PRAG1: variants seen among roughly 807,000 people sequenced by gnomAD.
PRAG1 encodes the protein PEAK1 related, kinase-activating pseudokinase 1.
A neutral mutation model predicts 95.6 loss-of-function variants in PRAG1; 110 were observed. That is an observed-to-expected ratio of 1.15 (90% confidence interval 0.99 to 1.35). The LOEUF is 1.35. PRAG1 is among the 40% of genes most tolerant of loss of function. The pLI, the probability that PRAG1 is intolerant of heterozygous loss-of-function variation, is 0.00. For synonymous variants in PRAG1, 1,052 were observed against 819.4 expected (o/e 1.28, Z -4.85); for missense variants, 2,554 against 1,864.7 (o/e 1.37, Z -6.81).
intron 3 of PRAG1, among the ~76,000 whole-genome samples, chr8:8,373,832 A>G (rs1396172870): frequency 6.6e-6 from 1 of 152,178 alleles, no homozygotes; most frequent in East Asian, 1.9e-4. Flanking sequence ...ATTCCCATCA[A>G]GCTTGAGCTA....
intron 3 of PRAG1, among the ~76,000 whole-genome samples, chr8:8,353,348 T>C (rs1799585313): frequency 6.6e-6 from 1 of 152,092 alleles, no homozygotes; most frequent in African/African-American, 2.4e-5. Flanking sequence ...TGAAATCATA[T>C]CTAGTATTGT....
rs1799488345 is a variant in PRAG1 at position 8,350,547 on chromosome 8, C to T, written c.2163-10912G>A. Among the ~76,000 whole-genome samples, 2 of 152,214 alleles carry T rather than the reference C, an allele frequency of 1.3e-5. 1 individual carries two copies. The highest frequency in any genetic ancestry group is 4.1e-4 in the South Asian group (2 of 4,832). On this transcript the variant is annotated intron_variant, in intron 3 of 5. Coordinates refer to ENST00000615670, the MANE Select transcript of PRAG1 (RefSeq NM_001080826.3). Reference sequence around the variant, plus strand: ...AGGGCCTCTCCTACCAGCTGCCTTGCCTATAGGCAAGCACAGTATCCCAGG... The same window carrying T: ...AGGGCCTCTCCTACCAGCTGCCTTGTCTATAGGCAAGCACAGTATCCCAGG...
intron 3 of PRAG1, among the ~76,000 whole-genome samples, chr8:8,362,581 A>C (rs1176301412): frequency 6.6e-6 from 1 of 152,214 alleles, no homozygotes; most frequent in Non-Finnish European, 1.5e-5. Flanking sequence ...CCTGCCCCAG[A>C]GGAGAATGGG....
In PRAG1 at chr8:8,377,666, C is replaced by A; in HGVS notation, c.743G>T (p.Ser248Ile). The change falls in exon 3 of 6, where the codon AGC becomes ATC. Residue 248 changes from serine to isoleucine, a missense_variant. Physicochemically the swap from Ser to Ile is moderately radical, Grantham distance 142. Transcript: ENST00000615670. Reference sequence around the variant, plus strand: ...GATGGAGCAGTACTCTCCACCCTCGCTGTCCCCGGAGGGCGAGCACCTTTG... The same window carrying A: ...GATGGAGCAGTACTCTCCACCCTCGATGTCCCCGGAGGGCGAGCACCTTTG... The part of the protein sequence containing the change: ...SDQRCSPSGD[S>I]EGGEYCSILD... The A allele has an allele frequency of 1.2e-6, 2 of 1,613,876 alleles. No homozygotes were observed. The highest frequency in any genetic ancestry group is 1.3e-5 in the African/African-American group (1 of 75,064).
chr8:8,354,374 T>G (rs1179268937), intron 3 of PRAG1, among the ~76,000 whole-genome samples: 1 of 149,574 alleles, frequency 6.7e-6, no homozygotes, highest in Non-Finnish European at 1.5e-5. Context: ...ACTTCTTAAA[T>G]TCTTCCAAAA....
chr8:8,323,302 GGGGTTTTCTT>G (rs1330901173), intron 5 of PRAG1, among the ~76,000 whole-genome samples: 7 of 147,670 alleles, frequency 4.7e-5, no homozygotes, highest in South Asian at 2.2e-4. Context: ...GGCTTTATAA[GGGGTTTTCTT>G]TTCCCTCCCT....
intron 5 of PRAG1, among the ~76,000 whole-genome samples, chr8:8,323,382 A>T (rs113970122): frequency 0.082 from 12,205 of 148,072 alleles, 628 homozygotes; most frequent in Middle Eastern, 0.13. Flanking sequence ...GCAGTGGCGC[A>T]TCTTGGCTCA....
At chr8:8,371,452 G>T (rs952199674) in intron 3 of PRAG1, among the ~76,000 whole-genome samples, 1 of 151,850 alleles carries the variant, frequency 6.6e-6, no homozygotes, top group African/African-American at 2.4e-5. Flanking sequence ...AGTAGAGAGG[G>T]GTTTCACCGT....
At chr8:8,384,988 C>T (rs933040603) in intron 1 of PRAG1, among the ~76,000 whole-genome samples, 2 of 152,188 alleles carry the variant, frequency 1.3e-5, no homozygotes, top group Non-Finnish European at 2.9e-5. Flanking sequence ...CTGTCAGATA[C>T]ACTCCCACCC....
In PRAG1 at chr8:8,331,132, C is replaced by G. The variant is rs117702359; in HGVS notation, c.2321-2671G>C. Among the ~76,000 whole-genome samples the G allele has an allele frequency of 6.6e-3, 1,004 of 152,314 alleles. 6 individuals are homozygous for G. The highest frequency in any genetic ancestry group is 0.01 in the Non-Finnish European group (703 of 68,036). The stretch of plus-strand genomic sequence containing the variant: ...TGGTCAATGCTTTCATCAGTGCCCT[C>G]AGAGACAAGGACAACCTGCCTACGG... On this transcript the variant is annotated intron_variant, in intron 4 of 5. Coordinates refer to ENST00000615670, the MANE Select transcript of PRAG1 (RefSeq NM_001080826.3).
At chr8:8,367,844 C>T (rs1043326241) in intron 3 of PRAG1, among the ~76,000 whole-genome samples, 7 of 152,042 alleles carry the variant, frequency 4.6e-5, no homozygotes, top group African/African-American at 1.4e-4. Flanking sequence ...GGTTTCACCA[C>T]GTTAGCCAGG....
In PRAG1 at chr8:8,340,032, G is replaced by C. The variant is rs540978768; in HGVS notation, c.2163-397C>G. Among the ~76,000 whole-genome samples the C allele has an allele frequency of 5.3e-5, 8 of 152,336 alleles. 1 individual carries two copies. In the South Asian group the frequency reaches 1.7e-3, roughly 32 times the overall value. On this transcript the variant is annotated intron_variant, in intron 3 of 5. Transcript: ENST00000615670. ...TATAGAGACATACAGATATTGGGTT[G>C]TTTTTGCAAGATCCCAGGACAAATG...
At chr8:8,341,950 G>A (rs114564725) in intron 3 of PRAG1, among the ~76,000 whole-genome samples, 2,532 of 152,096 alleles carry the variant, frequency 0.017, 74 homozygotes, top group African/African-American at 0.055. Context: ...CTGGCCAACA[G>A]GCCAACCCCA....
Position 8,377,468 on chromosome 8 carries a change from T to C in PRAG1, c.941A>G (p.Gln314Arg), listed in dbSNP as rs1207092781. The C allele has an allele frequency of 1.3e-6, 2 of 1,550,662 alleles. No individual in the cohort carries two copies. Among genetic ancestry groups the C allele is most frequent in the Non-Finnish European group, 1.7e-6 (2 of 1,149,626 alleles). Residue 314 changes from glutamine to arginine, a missense_variant, in exon 3 of 6, where the codon CAG becomes CGG. Physicochemically the swap from Gln to Arg is conservative, Grantham distance 43 (BLOSUM62 1). Coordinates refer to ENST00000615670, the MANE Select transcript of PRAG1 (RefSeq NM_001080826.3). ...GCAGGATGGGTGGGCAGTGGGGCCC[T>C]GGCTACAGCACTCCTTGGGGAAGCT... ...GPSFPKECCS[Q>R]GPTAHPSCLG...
intron 3 of PRAG1, among the ~76,000 whole-genome samples, chr8:8,372,317 G>C (rs1800236612): frequency 6.6e-6 from 1 of 152,144 alleles, no homozygotes. Context: ...ACCATGCCTG[G>C]CCAAATTGCC....
intron 3 of PRAG1, among the ~76,000 whole-genome samples, chr8:8,354,930 T>C (rs1799638336): frequency 6.6e-6 from 1 of 151,880 alleles, no homozygotes; most frequent in African/African-American, 2.4e-5. Flanking sequence ...GCAAGGGCAA[T>C]CAGACAAGAA....
chr8:8,323,369 A>T (rs1262541947), intron 5 of PRAG1, among the ~76,000 whole-genome samples: 1 of 141,954 alleles, frequency 7.0e-6, no homozygotes, highest in Non-Finnish European at 1.5e-5. Flanking sequence ...CCCAGGCTGG[A>T]GTGCAGTGGC....
At chr8:8,385,817 C>T (rs867183216) in intron 1 of PRAG1, among the ~76,000 whole-genome samples, 9 of 152,202 alleles carry the variant, frequency 5.9e-5, no homozygotes, top group Middle Eastern at 6.8e-3. Flanking sequence ...TCAGCCAGGG[C>T]TCGGGGAAAA....
chr8:8,381,458 T>C lies in PRAG1; in HGVS notation c.290A>G (p.Asp97Gly), dbSNP rs1800643357. Reference protein sequence around the residue: ...KPTMMSSEASDVWTEANLSAE... With the variant: ...KPTMMSSEASGVWTEANLSAE... Reference sequence around the variant, plus strand: ...ACTCAGGTTGGCCTCTGTCCACACATCAGAGGCCTCGGAGCTCATCATGGT... The same window carrying C: ...ACTCAGGTTGGCCTCTGTCCACACACCAGAGGCCTCGGAGCTCATCATGGT... Residue 97 changes from aspartate to glycine, a missense_variant, in exon 2 of 6, where the codon GAT (aspartate) becomes GGT (glycine). Transcript: ENST00000615670. The C allele has an allele frequency of 3.1e-6, 5 of 1,614,160 alleles. No individual in the cohort carries two copies. In the East Asian group the frequency reaches 1.1e-4, roughly 36 times the overall value.
Sources: gnomAD v4.1 joint callset for allele counts (sites outside exome capture counted in the v4.1 genomes callset) on GRCh38, gnomAD v4.1.1 for gene constraint, MANE v1.5 for transcripts, NCBI Gene and HGNC (gene_info 2026-07-23, HGNC 2026-07-21) for gene names.